IQUB: variants seen among roughly 807,000 people sequenced by gnomAD.
The protein encoded by IQUB is IQ motif and ubiquitin-like domain-containing protein.
Under a neutral mutation model 86.4 loss-of-function variants are expected in IQUB, and 86 were observed. The ratio of observed to expected loss-of-function variants is 1.00; its 90% CI spans 0.84 to 1.19. The LOEUF is 1.19. Ranked by LOEUF, IQUB falls within the 50% of genes most tolerant of loss-of-function variation. IQUB has a pLI of 0.00. For missense variants in IQUB, 946 were observed against 916.9 expected (o/e 1.03, Z -0.41); for synonymous variants, 289 against 304.5 (o/e 0.95, Z 0.53).
At chr7:123,511,845 A>G (rs1411453917) in intron 2 of IQUB, 99 bp downstream of exon 2, 2 of 899,210 alleles carry the variant, frequency 2.2e-6, no homozygotes, top group South Asian at 3.8e-5. Flanking sequence ...AAGGAATATC[A>G]AATATAAAAC....
At chr7:123,519,452 A>C (rs962508102) in intron 1 of IQUB, among the ~76,000 whole-genome samples, 5 of 152,228 alleles carry the variant, frequency 3.3e-5, no homozygotes, top group African/African-American at 1.2e-4. Context: ...CACACAATGA[A>C]ATATTATTAA....
intron 11 of IQUB, among the ~76,000 whole-genome samples, chr7:123,460,155 G>T (rs1351329337): frequency 2.6e-5 from 4 of 151,856 alleles, no homozygotes; most frequent in Admixed American, 2.6e-4. Context: ...CGTAAACTTG[G>T]ACAAGTTAGT....
intron 10 of IQUB, among the ~76,000 whole-genome samples, chr7:123,463,356 T>C (rs764544083): frequency 6.6e-6 from 1 of 151,744 alleles, no homozygotes; most frequent in Non-Finnish European, 1.5e-5. Context: ...ATTTTATTCA[T>C]AAAAGACCAA....
chr7:123,487,419 T>G (rs1219452738), intron 7 of IQUB, among the ~76,000 whole-genome samples: 2 of 152,214 alleles, frequency 1.3e-5, no homozygotes, highest in Non-Finnish European at 2.9e-5. Flanking sequence ...CTCACACTCC[T>G]TAGAATAGGA....
chr7:123,489,443 T>TA (rs1445508349), intron 7 of IQUB, among the ~76,000 whole-genome samples: 2 of 151,976 alleles, frequency 1.3e-5, no homozygotes, highest in Admixed American at 6.5e-5. Flanking sequence ...ACTACATGAG[T>TA]AAAAATCAGC....
chr7:123,482,044 G>C (rs1239512035), intron 7 of IQUB, among the ~76,000 whole-genome samples: 2 of 151,894 alleles, frequency 1.3e-5, no homozygotes, highest in East Asian at 3.9e-4. Flanking sequence ...AAAAAAGAAA[G>C]CAGAAATAGC....
intron 7 of IQUB, among the ~76,000 whole-genome samples, chr7:123,492,789 T>C (rs528982995): frequency 3.9e-5 from 6 of 152,228 alleles, no homozygotes; most frequent in Admixed American, 2.0e-4. Context: ...CCTGAGGATC[T>C]TGAGCTGAAC....
chr7:123,462,052 T>C (rs1794015306), intron 10 of IQUB, among the ~76,000 whole-genome samples: 1 of 151,822 alleles, frequency 6.6e-6, no homozygotes, highest in Non-Finnish European at 1.5e-5. Context: ...TTTAGATTAG[T>C]TCAAATGATT....
intron 11 of IQUB, chr7:123,459,978 A>G (rs955132144): frequency 6.6e-6 from 1 of 152,026 alleles, no homozygotes; most frequent in Non-Finnish European, 1.5e-5. Flanking sequence ...GGAAATCAGA[A>G]TAAGTAGACT....
intron 1 of IQUB, among the ~76,000 whole-genome samples, chr7:123,529,620 C>T (rs1441200546): frequency 1.3e-5 from 2 of 148,678 alleles, no homozygotes; most frequent in Non-Finnish European, 3.0e-5. Flanking sequence ...GATGCAGTGG[C>T]TCATGCCTGT....
At chr7:123,490,027 C>T (rs960209108) in intron 7 of IQUB, among the ~76,000 whole-genome samples, 2 of 151,648 alleles carry the variant, frequency 1.3e-5, no homozygotes, top group Non-Finnish European at 2.9e-5. Context: ...TGAAAGATGA[C>T]AAATTTATAT....
chr7:123,512,097 C>T lies in IQUB; in HGVS notation c.244G>A (p.Val82Ile). The T allele has an allele frequency of 6.2e-7, 1 of 1,613,992 alleles. No individual in the cohort carries two copies. Among genetic ancestry groups the T allele is most frequent in the South Asian group, 1.1e-5 (1 of 91,060 alleles). ...TATGAAACTTGTCTTGGTGATATAA[C>T]CTCTTCCATGAGTTGTTCATTGTCT... ...EPDNEQLMEE[V>I]ISPRQVSYTP... The change falls in exon 2 of 13, where the codon GTT (valine) becomes ATT (isoleucine). Residue 82 changes from valine (V) to isoleucine (I), a missense_variant. Val to Ile is a conservative substitution (Grantham distance 29). Transcript: ENST00000324698.
intron 1 of IQUB, among the ~76,000 whole-genome samples, chr7:123,526,695 T>G (rs1464169432): frequency 4.6e-5 from 7 of 151,612 alleles, no homozygotes; most frequent in African/African-American, 7.3e-5. Flanking sequence ...TTAGTCCATT[T>G]ACATTTAAAG....
intron 7 of IQUB, among the ~76,000 whole-genome samples, chr7:123,486,315 T>G (rs1375834547): frequency 6.6e-6 from 1 of 152,194 alleles, no homozygotes; most frequent in Non-Finnish European, 1.5e-5. Context: ...GACAGGTTAC[T>G]TTCAGAAAGA....
chr7:123,478,278 G>A (rs1200889117), intron 8 of IQUB, among the ~76,000 whole-genome samples: 1 of 152,012 alleles, frequency 6.6e-6, no homozygotes, highest in East Asian at 1.9e-4. Context: ...ATCCTTTGCA[G>A]GGATGAAGCT....
rs1794424259 is a variant in IQUB at position 123,469,399 on chromosome 7, TATG to T, written c.1411-18_1411-16del. On this transcript the variant is annotated splice_polypyrimidine_tract_variant and intron_variant, in intron 8 of 12. Coordinates refer to ENST00000324698, the MANE Select transcript of IQUB (RefSeq NM_178827.5). ...GGAGCTGAACACTTAAAAATAATAT[TATG>T]TTTATAATTATCAGTTAATTAGAAA... The T allele has an allele frequency of 6.8e-7, 1 of 1,481,118 alleles. No homozygotes were observed. The highest frequency in any genetic ancestry group is 9.1e-7 in the Non-Finnish European group (1 of 1,095,612). 91.7% of individuals were successfully genotyped at this position (1,481,118 alleles called of 1,614,324 possible). A position where few individuals can be genotyped will look rare whatever the true frequency, so the allele number is the denominator to read the frequency against.
intron 7 of IQUB, among the ~76,000 whole-genome samples, chr7:123,480,557 C>T (rs1424704073): frequency 6.6e-6 from 1 of 152,054 alleles, no homozygotes; most frequent in Non-Finnish European, 1.5e-5. Context: ...CATCTTCTTT[C>T]CTTCCCTCTC....
chr7:123,516,471 A>G lies in IQUB; in HGVS notation c.-4-4127T>C, dbSNP rs1312992104. ...TTTCTGATTTTGTGCTATACTTAAT[A>G]AAGAAGCCAAATCAAAAAGAAGAAA... On this transcript the variant is annotated intron_variant, in intron 1 of 12. Coordinates refer to ENST00000324698, the MANE Select transcript of IQUB (RefSeq NM_178827.5). 3.9e-5 allele frequency among the ~76,000 whole-genome samples: 6 copies of G among 152,306 alleles called. No homozygotes were observed. In the East Asian group the frequency reaches 1.2e-3, roughly 29 times the overall value.
Position 123,457,483 on chromosome 7 carries a change from G to A in IQUB, c.2091C>T (p.Val697=), listed in dbSNP as rs759343343. The A allele has an allele frequency of 5.6e-6, 9 of 1,611,568 alleles. No individual in the cohort carries two copies. The highest frequency in any genetic ancestry group is 1.3e-5 in the African/African-American group (1 of 74,804). Residue 697 remains valine (V), a synonymous_variant, in exon 12 of 13, where the codon GTC becomes GTT. Coordinates refer to ENST00000324698, the MANE Select transcript of IQUB (RefSeq NM_178827.5). The part of the protein sequence containing the change: ...LSACDNLSDL[V]MVRWNKSLEW... ...CCAGGGATTTATTCCATCTGACCAT[G>A]ACCAGATCACTGAGATTGTCGCAAG...
Sources: allele counts gnomAD v4.1 joint callset (sites outside exome capture counted in the v4.1 genomes callset), GRCh38; gene constraint gnomAD v4.1.1; transcripts MANE v1.5; gene names NCBI Gene and HGNC (gene_info 2026-07-23, HGNC 2026-07-21).